The following ABHD12B variants were observed in gnomAD, a reference collection of about 807,000 sequenced individuals.
ABHD12B encodes the protein protein ABHD12B.
In ABHD12B, 42 loss-of-function variants were observed where a neutral mutation model predicts 50.4. That is an observed-to-expected ratio of 0.83 (90% CI 0.65 to 1.08). The LOEUF is 1.08. Ranked by LOEUF, ABHD12B falls within the 50% of genes least tolerant of loss-of-function variation. ABHD12B has a pLI of 0.00. For synonymous variants in ABHD12B, 167 were observed against 160.3 expected, an observed-to-expected ratio of 1.04 and a Z score of -0.32; for missense variants, 479 against 447.7, an observed-to-expected ratio of 1.07 and a Z score of -0.63.
chr14:50,884,705 T>TTC (rs2050010091), intron 5 of ABHD12B, among the ~76,000 whole-genome samples: 1 of 19,658 alleles, frequency 5.1e-5, no homozygotes, highest in African/African-American at 2.6e-4. Flanking sequence ...ATTTCTTCTT[T>TTC]TTTTTTTTTT....
In ABHD12B at chr14:50,904,094, T is replaced by C. The variant is rs1267002947; in HGVS notation, c.963T>C (p.Asn321=). 5.0e-6 allele frequency: 8 copies of C among 1,613,862 alleles called. No individual in the cohort carries two copies. Among genetic ancestry groups the C allele is most frequent in the Non-Finnish European group, 5.9e-6 (7 of 1,179,880 alleles). Reference sequence around the variant, plus strand: ...TGCAGCTCTATGAAATTGCACGCAATGCATACAGGAACAAAGAGAGGGTCA... The same window carrying C: ...TGCAGCTCTATGAAATTGCACGCAACGCATACAGGAACAAAGAGAGGGTCA... The part of the protein sequence containing the change: ...YGKKLYEIAR[N]AYRNKERVKM... Residue 321 remains asparagine, a synonymous_variant, in exon 12 of 13, where the codon AAT becomes AAC. Coordinates refer to ENST00000337334, the MANE Select transcript of ABHD12B (RefSeq NM_001206673.2).
At chr14:50,882,373 C>CTTTTTTTTTTTTTTTTTTTTTTTTT (rs386381352) in intron 5 of ABHD12B, among the ~76,000 whole-genome samples, 5 of 81,834 alleles carry the variant, frequency 6.1e-5, no homozygotes, top group African/African-American at 2.6e-4. Context: ...AGAATGTCTG[C>CTTTTTTTTTTTTTTTTTTTTTTTTT]TTTTTTTTTT....
rs767295031 is a variant in ABHD12B at position 50,878,726 on chromosome 14, A to G, written c.233-19A>G. Reference sequence around the variant, plus strand: ...ATGGAATTTGATTCTTGAAGTTGATAATGATTTTTACTTTCCAGTCAAAGC... The same window carrying G: ...ATGGAATTTGATTCTTGAAGTTGATGATGATTTTTACTTTCCAGTCAAAGC... On this transcript the variant is annotated intron_variant, in intron 2 of 12. Coordinates refer to ENST00000337334, the MANE Select transcript of ABHD12B (RefSeq NM_001206673.2). 8 of 1,587,626 alleles carry G rather than the reference A, an allele frequency of 5.0e-6. No individual in the cohort carries two copies. In the South Asian group the frequency reaches 8.8e-5, roughly 18 times the overall value.
At position 50,872,278 on chromosome 14, in the gene ABHD12B, G is replaced by C. The variant is rs779097718; in HGVS notation, c.104G>C (p.Arg35Pro). The change falls in exon 1 of 13, where the codon CGA (arginine) becomes CCA (proline). Residue 35 changes from arginine (R) to proline (P), a missense_variant and splice_region_variant. Coordinates refer to ENST00000337334, the MANE Select transcript of ABHD12B (RefSeq NM_001206673.2). ...AWWDMVDRNL[R>P]YFPHSCSMLG... ...TGGGACATGGTCGACCGCAACCTGCGGTGAGTACCGCCCGGTCCACCCCTG... is the reference window on the plus strand; with the variant it reads ...TGGGACATGGTCGACCGCAACCTGCCGTGAGTACCGCCCGGTCCACCCCTG... 1.5e-6 allele frequency: 2 copies of C among 1,345,504 alleles called. No individual in the cohort carries two copies. The highest frequency in any genetic ancestry group is 3.7e-5 in the South Asian group (2 of 54,346). 83.3% of individuals were successfully genotyped at this position (1,345,504 alleles called of 1,614,324 possible).
At chr14:50,901,795 C>T in intron 9 of ABHD12B, 34 bp from the exon 10 acceptor site, 1 of 1,428,826 alleles carries the variant, frequency 7.0e-7, no homozygotes, top group Non-Finnish European at 9.6e-7. Flanking sequence ...AGCTATGGGG[C>T]AAATATTAAT....
Position 50,883,550 on chromosome 14 carries a change from G to A in ABHD12B, c.486+1924G>A, listed in dbSNP as rs1320837740. Among the ~76,000 whole-genome samples, 5 of 152,252 alleles carry A rather than the reference G, an allele frequency of 3.3e-5. No homozygotes were observed. The East Asian group carries it at 7.7e-4, about 23-fold the overall frequency. ...GCCCTTTGCATTCCCCACGTGGAAC[G>A]TGGTAAAGCTAATGTCCGTGAGAAT... is the stretch of plus-strand genomic sequence containing the variant. On this transcript the variant is annotated intron_variant, in intron 5 of 12. Coordinates refer to ENST00000337334, the MANE Select transcript of ABHD12B (RefSeq NM_001206673.2).
chr14:50,886,638 G>C lies in ABHD12B; in HGVS notation c.663-9G>C, dbSNP rs969288124. 2 of 1,607,786 alleles carry C rather than the reference G, an allele frequency of 1.2e-6. No individual in the cohort carries two copies. Among genetic ancestry groups the C allele is most frequent in the South Asian group, 2.2e-5 (2 of 90,214 alleles). ...CTTAACACATGTACTAATTTTCATT[G>C]CTTTACAGAGTTGCAACAAATGCTG... On this transcript the variant is annotated splice_polypyrimidine_tract_variant and intron_variant, in intron 7 of 12. Transcript: ENST00000337334.
chr14:50,887,214 A>AAAAAAAAAC (rs1378889844), intron 8 of ABHD12B, among the ~76,000 whole-genome samples: 1 of 148,776 alleles, frequency 6.7e-6, no homozygotes, highest in Non-Finnish European at 1.5e-5. Context: ...TCTGTCTCAA[A>AAAAAAAAAC]AAAAAAAAAA....
At chr14:50,902,376 C>T (rs552200849) in intron 10 of ABHD12B, among the ~76,000 whole-genome samples, 1 of 152,204 alleles carries the variant, frequency 6.6e-6, no homozygotes, top group African/African-American at 2.4e-5. Context: ...CCCAACTACA[C>T]GTGAGGCTGA....
intron 7 of ABHD12B, among the ~76,000 whole-genome samples, 161 bp downstream of exon 7, chr14:50,886,056 C>T (rs770040949): frequency 3.9e-5 from 6 of 152,130 alleles, no homozygotes; most frequent in Non-Finnish European, 8.8e-5. Context: ...TGCCATCTTA[C>T]CATGCTATTT....
At position 50,901,415 on chromosome 14, in the gene ABHD12B, A is replaced by G. The variant is rs75721028; in HGVS notation, c.781-414A>G. 2.4e-3 allele frequency among the ~76,000 whole-genome samples: 358 copies of G among 152,340 alleles called. 2 individuals carry two copies. Among genetic ancestry groups the G allele is most frequent in the African/African-American group, 7.4e-3 (309 of 41,580 alleles). On this transcript the variant is annotated intron_variant, in intron 9 of 12. Coordinates refer to ENST00000337334, the MANE Select transcript of ABHD12B (RefSeq NM_001206673.2). ...GTTTGTAATGTTCAAATTCTCTAAA[A>G]TCAATTTTCTATGTATTGTATATTT...
intron 3 of ABHD12B, 44 bp from the exon 4 acceptor site, chr14:50,880,408 G>A (rs964116927): frequency 1.4e-5 from 22 of 1,532,216 alleles, no homozygotes; most frequent in Non-Finnish European, 1.4e-5. Context: ...AAAGGATGGA[G>A]AATTCCTCTT....
chr14:50,885,929 G>A (rs2050029740), intron 7 of ABHD12B, 34 bp downstream of exon 7: 5 of 1,611,716 alleles, frequency 3.1e-6, no homozygotes, highest in Non-Finnish European at 4.2e-6. Context: ...CCTTAGGCAG[G>A]TCCTTGAGGC....
At chr14:50,888,223 G>C (rs575208995) in intron 8 of ABHD12B, among the ~76,000 whole-genome samples, 274 of 61,816 alleles carry the variant, frequency 4.4e-3, no homozygotes, top group Middle Eastern at 9.3e-3. Flanking sequence ...TTTTTTTTTT[G>C]TGGCGGAGTC....
rs1373000816 is a variant in ABHD12B at position 50,872,202 on chromosome 14, G to A, written c.28G>A (p.Ala10Thr). Residue 10 changes from alanine (A) to threonine (T), a missense_variant, in exon 1 of 13, where the codon GCA becomes ACA. Ala to Thr is a moderately conservative substitution (Grantham distance 58, BLOSUM62 0). Transcript: ENST00000337334. MDAQDCQAA[A>T]SPEPPGPPAR... is the part of the protein sequence containing the mutation. Reference sequence around the variant, plus strand: ...GGACGCGCAGGACTGCCAGGCGGCCGCATCGCCCGAGCCGCCCGGGCCCCC... The same window carrying A: ...GGACGCGCAGGACTGCCAGGCGGCCACATCGCCCGAGCCGCCCGGGCCCCC... 8.0e-6 allele frequency: 11 copies of A among 1,369,632 alleles called. No homozygotes were observed. The highest frequency in any genetic ancestry group is 3.1e-5 in the Admixed American group (1 of 32,390). The allele number at this position is 1,369,632 out of a possible 1,614,324, so 84.8% of individuals were successfully genotyped here. A position where few individuals can be genotyped will look rare whatever the true frequency, so the allele number is the denominator to read the frequency against.
rs762093820 is a variant in ABHD12B, at chr14:50,904,162, G to T, written c.1031G>T (p.Cys344Phe). 2 of 1,614,124 alleles carry T rather than the reference G, an allele frequency of 1.2e-6. No homozygotes were observed. The highest frequency in any genetic ancestry group is 1.1e-5 in the South Asian group (1 of 91,076). The change falls in exon 12 of 13, where the codon TGT becomes TTT. Residue 344 changes from cysteine (C) to phenylalanine (F), a missense_variant. Cys to Phe is a radical substitution (Grantham distance 205, BLOSUM62 -2). Transcript: ENST00000337334. Reference protein sequence around the residue: ...FPPGFQHNLLCKSPTLLITVR... With the variant: ...FPPGFQHNLLFKSPTLLITVR... ...CCTGGCTTCCAACACAACCTGCTTTGTAAAAGCCCCACACTGTTAATAACC... is the reference window on the plus strand; with the variant it reads ...CCTGGCTTCCAACACAACCTGCTTTTTAAAAGCCCCACACTGTTAATAACC...
chr14:50,896,864 C>A (rs8005351), intron 9 of ABHD12B, among the ~76,000 whole-genome samples: 4,466 of 152,224 alleles, frequency 0.029, 213 homozygotes, highest in African/African-American at 0.1. Context: ...GTGGTCTCTT[C>A]ACACAGACGC....
chr14:50,874,595 G>C (rs1230041054), intron 1 of ABHD12B, among the ~76,000 whole-genome samples: 1 of 148,052 alleles, frequency 6.8e-6, no homozygotes, highest in South Asian at 2.1e-4. Context: ...GCGAGACTCC[G>C]TCTCAAAAAA....
chr14:50,894,153 C>T (rs1566492365), intron 9 of ABHD12B, among the ~76,000 whole-genome samples: 1 of 137,438 alleles, frequency 7.3e-6, no homozygotes, highest in East Asian at 2.0e-4. Flanking sequence ...GGGGGAGGGG[C>T]AAGTACCCCT....
Sources: gnomAD v4.1 joint callset for allele counts (sites outside exome capture counted in the v4.1 genomes callset) on GRCh38, gnomAD v4.1.1 for gene constraint, MANE v1.5 for transcripts, NCBI Gene and HGNC (gene_info 2026-07-23, HGNC 2026-07-21) for gene names.